Variants in RTL9 observed in about 807,000 individuals in gnomAD.
The protein encoded by RTL9 is retrotransposon Gag like 9, also known as retrotransposon Gag-like protein 9.
A neutral mutation model predicts 44.7 loss-of-function variants in RTL9; 19 were observed. The observed-to-expected ratio is 0.42, with a 90% confidence interval of 0.30 to 0.62. The LOEUF is 0.62. Ranked by LOEUF, RTL9 falls within the 20% of genes least tolerant of loss-of-function variation. RTL9 has a pLI of 0.16. For synonymous variants in RTL9, 407 were observed against 398.9 expected (o/e 1.02, Z -0.24); for missense variants, 1,105 against 1,080.6 (o/e 1.02, Z -0.32).
intron 1 of RTL9, among the ~76,000 whole-genome samples, chrX:110,412,720 C>A (rs939068949): frequency 5.3e-5 from 6 of 112,235 alleles, no homozygotes; most frequent in African/African-American, 1.9e-4. Context: ...CAAGCTAGAT[C>A]TTTAAATACT....
At chrX:110,441,449 C>G (rs2068879116) in intron 1 of RTL9, among the ~76,000 whole-genome samples, 1 of 112,069 alleles carries the variant, frequency 8.9e-6, no homozygotes, top group Non-Finnish European at 1.9e-5. Flanking sequence ...GGAATTTTGG[C>G]AAGTAGCTCA....
upstream of RTL9, among the ~76,000 whole-genome samples, chrX:110,417,800 G>A (rs771222346): frequency 8.9e-6 from 1 of 112,488 alleles, no homozygotes; most frequent in South Asian, 3.7e-4. Context: ...TATTTTACTG[G>A]CAACTTCCAA....
chrX:110,374,550 G>A (rs781403660), intron 1 of RTL9, among the ~76,000 whole-genome samples: 2 of 111,961 alleles, frequency 1.8e-5, no homozygotes, highest in South Asian at 3.7e-4. Context: ...ATGAAAGGCT[G>A]TCAAATGAGG....
At chrX:110,388,006 C>T (rs1408102906) in intron 1 of RTL9, among the ~76,000 whole-genome samples, 2 of 109,645 alleles carry the variant, frequency 1.8e-5, no homozygotes, top group African/African-American at 3.3e-5. Context: ...GGACAACAGG[C>T]GCCCGCCATC....
In RTL9 at chrX:110,405,088, T is replaced by TCC. The variant is rs35297150; in HGVS notation, c.-167-40053_-167-40052dup. Among the ~76,000 whole-genome samples the TCC allele has an allele frequency of 2.2e-3, 160 of 74,083 alleles. 6 individuals carry two copies. The highest frequency in any genetic ancestry group is 2.8e-3 in the Non-Finnish European group (102 of 36,686). 64.3% of individuals were successfully genotyped at this position (74,083 alleles called of 115,157 possible). ...AATATATTCAGGTGTGCTTGTTGTG[T>TCC]CCCCCCCCCCCCCAAGCATGAGTCA... On this transcript the variant is annotated intron_variant, in intron 1 of 2. Transcript: ENST00000520821.
chrX:110,436,183 A>G (rs1603010161), intron 1 of RTL9, among the ~76,000 whole-genome samples: 1 of 112,268 alleles, frequency 8.9e-6, no homozygotes, highest in East Asian at 2.8e-4. Flanking sequence ...AAGTATCTTT[A>G]GAGCTGCTGC....
chrX:110,385,321 A>C (rs2068447638), intron 1 of RTL9, among the ~76,000 whole-genome samples: 1 of 112,266 alleles, frequency 8.9e-6, no homozygotes. Context: ...ATTAGCTTTT[A>C]AAAACAGCTT....
chrX:110,364,935 G>A (rs1030953246), intron 1 of RTL9, among the ~76,000 whole-genome samples: 1 of 112,051 alleles, frequency 8.9e-6, no homozygotes, highest in African/African-American at 3.2e-5. Context: ...CAGGTCACAA[G>A]GAAGATGTCT....
chrX:110,372,290 T>C (rs1297570067), intron 1 of RTL9, among the ~76,000 whole-genome samples: 2 of 112,759 alleles, frequency 1.8e-5, no homozygotes, highest in Non-Finnish European at 3.7e-5. Context: ...TTTCAAATTA[T>C]TTGATTTTAA....
chrX:110,408,371 C>T (rs919952682), intron 1 of RTL9, among the ~76,000 whole-genome samples: 5 of 112,099 alleles, frequency 4.5e-5, no homozygotes, highest in African/African-American at 1.3e-4. Context: ...AGAGGGTATT[C>T]AGAGGACTGG....
At chrX:110,452,551 T>C (rs1300331625) in exon 1 of RTL9, 11 of 1,211,650 alleles carry the variant, frequency 9.1e-6, no homozygotes, top group Non-Finnish European at 1.2e-5. Context: ...ACACTGCTAA[T>C]GAGAGACACA....
chrX:110,427,423 A>G (rs753941460), intron 1 of RTL9, among the ~76,000 whole-genome samples: 1 of 111,970 alleles, frequency 8.9e-6, no homozygotes. Flanking sequence ...TACCTACTGA[A>G]TCAGAAACTC....
chrX:110,443,170 A>G (rs1448420532), intron 1 of RTL9, among the ~76,000 whole-genome samples: 1 of 111,905 alleles, frequency 8.9e-6, no homozygotes, highest in East Asian at 2.8e-4. Context: ...TGCCTGTTTT[A>G]CAGATGAGGA....
chrX:110,377,230 TCACTTCTGC>T (rs2068383094), intron 1 of RTL9, among the ~76,000 whole-genome samples: 2 of 111,945 alleles, frequency 1.8e-5, no homozygotes, highest in South Asian at 7.6e-4. Flanking sequence ...AGAATAAAAT[TCACTTCTGC>T]CCAGTAGCGC....
upstream of RTL9, among the ~76,000 whole-genome samples, chrX:110,417,741 C>T (rs1381997240): frequency 8.9e-6 from 1 of 112,523 alleles, no homozygotes; most frequent in Non-Finnish European, 1.9e-5. Context: ...ACAAAAAACA[C>T]TTACTGAGCT....
At chrX:110,438,153 T>C (rs2068852763) in intron 1 of RTL9, among the ~76,000 whole-genome samples, 1 of 111,537 alleles carries the variant, frequency 9.0e-6, no homozygotes, top group African/African-American at 3.3e-5. Flanking sequence ...TAGAATGATT[T>C]CATGTTCCTC....
At chrX:110,391,929 G>T (rs1229786040) in intron 1 of RTL9, among the ~76,000 whole-genome samples, 1 of 112,100 alleles carries the variant, frequency 8.9e-6, no homozygotes, top group African/African-American at 3.2e-5. Flanking sequence ...AAAATAATAT[G>T]CTTCTCCTCT....
At chrX:110,453,401 G>A in exon 1 of RTL9, 1 of 1,211,459 alleles carries the variant, frequency 8.3e-7, no homozygotes, top group Non-Finnish European at 1.1e-6. Context: ...CAGAGTTAAT[G>A]AGAGCTTCAG....
upstream of RTL9, among the ~76,000 whole-genome samples, chrX:110,418,626 A>T (rs747180480): frequency 6.6e-4 from 74 of 111,420 alleles, no homozygotes; most frequent in Non-Finnish European, 1.4e-3. Context: ...CCCTTCCCCA[A>T]ACTGCCACGG....
Sources: gnomAD v4.1 joint callset for allele counts (sites outside exome capture counted in the v4.1 genomes callset) on GRCh38, gnomAD v4.1.1 for gene constraint, MANE v1.5 for transcripts, NCBI Gene and HGNC (gene_info 2026-07-23, HGNC 2026-07-21) for gene names.